The following PVT1 variants were observed in gnomAD, a reference collection of about 807,000 sequenced individuals.
PVT1 encodes Pvt1 oncogene.
intron 2 of PVT1, among the ~76,000 whole-genome samples, chr8:127,867,790 T>C (rs1019367507): frequency 6.6e-6 from 1 of 152,204 alleles, no homozygotes; most frequent in Non-Finnish European, 1.5e-5. Flanking sequence ...TCATCCTTTA[T>C]GGAGCATCTC....
intron 3 of PVT1, among the ~76,000 whole-genome samples, chr8:127,918,350 G>T (rs1206133945): frequency 1.3e-5 from 2 of 149,338 alleles, no homozygotes; most frequent in Admixed American, 6.7e-5. Context: ...GGTATGGCTG[G>T]CTAGATTGGA....
chr8:127,926,916 A>G (rs950815778), intron 3 of PVT1, among the ~76,000 whole-genome samples: 2 of 152,204 alleles, frequency 1.3e-5, no homozygotes, highest in Non-Finnish European at 2.9e-5. Flanking sequence ...CTAATCGGAC[A>G]CGAGGAAAGG....
intron 4 of PVT1, among the ~76,000 whole-genome samples, chr8:128,001,062 T>A (rs115334323): frequency 3.4e-4 from 52 of 152,346 alleles, no homozygotes; most frequent in African/African-American, 1.3e-3. Flanking sequence ...TTTGCTCAGT[T>A]CAACTTGAAG....
At chr8:128,020,475 G>C (rs1817420688) in intron 4 of PVT1, among the ~76,000 whole-genome samples, 1 of 152,218 alleles carries the variant, frequency 6.6e-6, no homozygotes, top group Non-Finnish European at 1.5e-5. Flanking sequence ...GGGCCCACTT[G>C]TAGGAACTGG....
intron 2 of PVT1, among the ~76,000 whole-genome samples, chr8:127,802,510 C>T (rs562492958): frequency 4.7e-4 from 72 of 152,220 alleles, no homozygotes; most frequent in Non-Finnish European, 9.3e-4. Context: ...GCCACTGCAC[C>T]CTGCCAAGTT....
At chr8:127,984,333 C>T (rs761282177) in intron 3 of PVT1, 7 of 152,160 alleles carry the variant, frequency 4.6e-5, no homozygotes, top group Non-Finnish European at 7.3e-5. Context: ...ACGTCCGCGT[C>T]TCTGTAGATA....
intron 3 of PVT1, among the ~76,000 whole-genome samples, chr8:127,971,562 A>G (rs527568214): frequency 1.3e-3 from 197 of 152,334 alleles, no homozygotes; most frequent in African/African-American, 4.6e-3. Context: ...GAAGGAATCA[A>G]TGAAGAGGGC....
At chr8:128,079,044 A>T (rs1423925197) in intron 5 of PVT1, among the ~76,000 whole-genome samples, 5 of 100,272 alleles carry the variant, frequency 5.0e-5, no homozygotes, top group Non-Finnish European at 4.3e-5. Context: ...TCTTAAGGTG[A>T]TTTCCAATTT....
chr8:127,995,466 T>G (rs79772708), intron 4 of PVT1, among the ~76,000 whole-genome samples: 2,929 of 152,346 alleles, frequency 0.019, 42 homozygotes, highest in South Asian at 0.035. Flanking sequence ...ACCCCCCACA[T>G]TATAGGAATC....
intron 2 of PVT1, chr8:127,855,130 C>T (rs372478565): frequency 2.2e-4 from 88 of 398,730 alleles, no homozygotes; most frequent in Non-Finnish European, 3.2e-4. Context: ...CTTTCTCCCA[C>T]GTGGCTGCTG....
intron 2 of PVT1, among the ~76,000 whole-genome samples, chr8:127,858,908 A>G (rs1274393839): frequency 1.4e-5 from 2 of 140,686 alleles, no homozygotes; most frequent in Non-Finnish European, 3.0e-5. Context: ...TCTGGGTTCA[A>G]ATGATTCTCC....
intron 2 of PVT1, among the ~76,000 whole-genome samples, chr8:127,863,807 G>A (rs1022130438): frequency 7.9e-5 from 12 of 152,178 alleles, no homozygotes; most frequent in South Asian, 4.1e-4. Flanking sequence ...TCTGGGACCC[G>A]GTGTCTGGGC....
At chr8:127,847,142 A>G (rs1170135347) in intron 2 of PVT1, among the ~76,000 whole-genome samples, 2 of 151,826 alleles carry the variant, frequency 1.3e-5, no homozygotes, top group Non-Finnish European at 1.5e-5. Flanking sequence ...GGCTAGGATT[A>G]TAGGCGCCCA....
chr8:127,941,580 T>G (rs1180580874), intron 3 of PVT1, among the ~76,000 whole-genome samples: 2 of 152,244 alleles, frequency 1.3e-5, no homozygotes, highest in African/African-American at 4.8e-5. Flanking sequence ...TAGTAAATCT[T>G]CAGTAAATGT....
chr8:127,967,917 T>TGTA (rs1816721210), intron 3 of PVT1, among the ~76,000 whole-genome samples: 1 of 152,216 alleles, frequency 6.6e-6, no homozygotes, highest in Non-Finnish European at 1.5e-5. Context: ...ATTGAGCGCC[T>TGTA]GTAGTATGTG....
At chr8:127,990,443 G>C (rs1045778236) in intron 4 of PVT1, among the ~76,000 whole-genome samples, 12 of 152,168 alleles carry the variant, frequency 7.9e-5, no homozygotes, top group African/African-American at 2.7e-4. Flanking sequence ...GTAACCAAAA[G>C]AAGAAAGTTT....
At position 127,884,556 on chromosome 8, in the gene PVT1, A is replaced by G. The variant is rs376967087; in HGVS notation, n.373-6033A>G. Among the ~76,000 whole-genome samples the G allele has an allele frequency of 4.7e-4, 71 of 152,330 alleles. No homozygotes were observed. The East Asian group carries it at 9.1e-3, about 19-fold the overall frequency. ...GTAAATAGTGCAGAACAGTTTCCCA[A>G]AGTGGTTGTTTATCCTTTTTCAGAG... On this transcript the variant is annotated intron_variant and non_coding_transcript_variant, in intron 2 of 10. Coordinates refer to ENST00000651587, the Ensembl canonical transcript of PVT1.
At position 127,881,798 on chromosome 8, in the gene PVT1, T is replaced by C. The variant is rs569361849; in HGVS notation, n.373-8791T>C. On this transcript the variant is annotated intron_variant and non_coding_transcript_variant, in intron 2 of 10. Transcript: ENST00000651587. ...TGAGACAGGGTCTTACTTTGTCACC[T>C]AGGCTGTTGGCTCACTGCAACCTCC... Among the ~76,000 whole-genome samples, 3 of 151,932 alleles carry C rather than the reference T, an allele frequency of 2.0e-5. No homozygotes were observed. In the South Asian group the frequency reaches 6.3e-4, roughly 32 times the overall value.
rs948635268 is a variant in PVT1, at chr8:127,898,908, C to T, written n.782+7910C>T. 6.6e-6 allele frequency among the ~76,000 whole-genome samples: 1 copy of T among 152,110 alleles called. No individual in the cohort carries two copies. On this transcript the variant is annotated intron_variant and non_coding_transcript_variant, in intron 3 of 10. Transcript: ENST00000651587. The surrounding 1 kb of genome is among the most constrained non-coding windows in gnomAD (Gnocchi z 4.4). ...ACTGGACAGAAAGAGTGTGTCCCAC[C>T]TGATTACTGGGAAGTGCAATGGACA...
Sources: allele counts gnomAD v4.1 joint callset (sites outside exome capture counted in the v4.1 genomes callset), GRCh38; gene constraint gnomAD v4.1.1; non-coding constraint Gnocchi (gnomAD v3.1); transcripts MANE v1.5; gene names NCBI Gene and HGNC (gene_info 2026-07-23, HGNC 2026-07-21).